Variants in KIR2DL1 observed in about 807,000 individuals in gnomAD.
KIR2DL1 encodes killer cell immunoglobulin like receptor, two Ig domains and long cytoplasmic tail 1, also known as killer cell immunoglobulin-like receptor 2DL1.
In KIR2DL1, 38 loss-of-function variants were observed where a neutral mutation model predicts 33.9. That is an observed-to-expected ratio of 1.12 (90% CI 0.86 to 1.47). KIR2DL1 has a LOEUF of 1.47. Among genes scored for constraint, KIR2DL1 ranks in the 40% most tolerant of loss-of-function variants. The pLI is 0.00. For missense variants in KIR2DL1, 531 were observed against 433.9 expected (o/e 1.22, Z -1.99); for synonymous variants, 179 against 165.9 (o/e 1.08, Z -0.61).
chr19:54,774,784 T>C (rs2076134293), intron 3 of KIR2DL1, among the ~76,000 whole-genome samples: 1 of 147,968 alleles, frequency 6.8e-6, no homozygotes. Flanking sequence ...GGTAGAGAAT[T>C]TGTAGATAGG....
intron 7 of KIR2DL1, 24 bp from the exon 8 acceptor site, chr19:54,783,613 C>T (rs781049069): frequency 1.2e-6 from 2 of 1,613,884 alleles, no homozygotes; most frequent in Non-Finnish European, 8.5e-7. Context: ...CACCCTCCCT[C>T]ACTCAGCATT....
chr19:54,782,324 C>T (rs1160490660), intron 5 of KIR2DL1, among the ~76,000 whole-genome samples: 14 of 151,968 alleles, frequency 9.2e-5, no homozygotes, highest in Non-Finnish European at 1.8e-4. Context: ...ACACTTGAGC[C>T]TCGGTAACTT....
Position 54,783,634 on chromosome 19 carries a change from C to A in KIR2DL1, c.871-3C>A. On this transcript the variant is annotated splice_region_variant and splice_polypyrimidine_tract_variant and intron_variant, in intron 7 of 7. Coordinates refer to ENST00000336077, the MANE Select transcript of KIR2DL1 (RefSeq NM_014218.3). ...CCCTCACTCAGCATTTCCCTCTCTC[C>A]AGGACTCTGATGAACAAGACCCTCA... 1 of 1,614,020 alleles carries A rather than the reference C, an allele frequency of 6.2e-7. No homozygotes were observed. The highest frequency in any genetic ancestry group is 8.5e-7 in the Non-Finnish European group (1 of 1,179,960).
In KIR2DL1 at chr19:54,783,542, G is replaced by A. The variant is rs1350995072; in HGVS notation, c.870+4G>A. 5.1e-5 allele frequency: 83 copies of A among 1,613,738 alleles called. No individual in the cohort carries two copies. The highest frequency in any genetic ancestry group is 7.0e-5 in the Non-Finnish European group (83 of 1,179,912). ...AAACAGAACAGCGAATAGCGAGGTAGGTACTCCTCGGCCCGGGCTCGTGGC... is the reference window on the plus strand; with the variant it reads ...AAACAGAACAGCGAATAGCGAGGTAAGTACTCCTCGGCCCGGGCTCGTGGC... On this transcript the variant is annotated splice_donor_region_variant and intron_variant, in intron 7 of 7. Transcript: ENST00000336077.
Position 54,783,006 on chromosome 19 carries a change from G to T in KIR2DL1, c.800G>T (p.Trp267Leu). 1 of 1,613,476 alleles carries T rather than the reference G, an allele frequency of 6.2e-7. No homozygotes were observed. Among genetic ancestry groups the T allele is most frequent in the Non-Finnish European group, 8.5e-7 (1 of 1,179,802 alleles). The change falls in exon 6 of 8, where the codon TGG (tryptophan) becomes TTG (leucine). Residue 267 changes from tryptophan to leucine, a missense_variant. By Grantham distance (61) the Trp-to-Leu change is moderately conservative. Coordinates refer to ENST00000336077, the MANE Select transcript of KIR2DL1 (RefSeq NM_014218.3). ...CTCCTCTTCTTTCTCCTTCATCGCT[G>T]GTGCTCCAACAAAAAAAGTAAGTCT... The part of the protein sequence containing the change: ...FILLFFLLHR[W>L]CSNKKNAAVM...
chr19:54,770,202 T>C (rs1452226674), intron 1 of KIR2DL1, among the ~76,000 whole-genome samples: 1 of 64,118 alleles, frequency 1.6e-5, no homozygotes, highest in Non-Finnish European at 3.2e-5. Context: ...TGGAGTGGAG[T>C]CATGGGCCTG....
At position 54,773,681 on chromosome 19, in the gene KIR2DL1, A is replaced by C. The variant is rs559398191; in HGVS notation, c.370+49A>C. 1.6e-5 allele frequency: 24 copies of C among 1,515,700 alleles called. 2 individuals are homozygous for C. The highest frequency in any genetic ancestry group is 2.1e-5 in the Non-Finnish European group (23 of 1,106,224). The allele number at this position is 1,515,700 out of a possible 1,614,324, so 93.9% of individuals were successfully genotyped here. A position where few individuals can be genotyped will look rare whatever the true frequency, so the allele number is the denominator to read the frequency against. The stretch of plus-strand genomic sequence containing the variant: ...TCATTGTCATTGGGATGCAGAGTGA[A>C]TGATCCAGGAATTGGAGACCCAGGT... On this transcript the variant is annotated intron_variant, in intron 3 of 7. Coordinates refer to ENST00000336077, the MANE Select transcript of KIR2DL1 (RefSeq NM_014218.3).
Position 54,777,290 on chromosome 19 carries a change from T to C in KIR2DL1, c.665-1322T>C, listed in dbSNP as rs149504982. Among the ~76,000 whole-genome samples, 508 of 146,846 alleles carry C rather than the reference T, an allele frequency of 3.5e-3. 10 individuals are homozygous for C. Among genetic ancestry groups the C allele is most frequent in the Non-Finnish European group, 3.9e-3 (257 of 66,252 alleles). Reference sequence around the variant, plus strand: ...ATTTTTAGTAGAGACAGCGTTTCTCTATGTGGGTCAGACTGGTCTCAAACT... The same window carrying C: ...ATTTTTAGTAGAGACAGCGTTTCTCCATGTGGGTCAGACTGGTCTCAAACT... On this transcript the variant is annotated intron_variant, in intron 4 of 7. Transcript: ENST00000336077.
chr19:54,773,670 A>G (rs1367228929), intron 3 of KIR2DL1, 38 bp downstream of exon 3: 1 of 1,500,276 alleles, frequency 6.7e-7, no homozygotes, highest in East Asian at 2.3e-5. Context: ...TGTCATTGGG[A>G]TGCAGAGTGA....
intron 2 of KIR2DL1, among the ~76,000 whole-genome samples, chr19:54,772,050 T>TTAG (rs1569158845): frequency 6.8e-6 from 1 of 147,024 alleles, no homozygotes; most frequent in Non-Finnish European, 1.5e-5. Context: ...GTGGGAAGAA[T>TTAG]AATTGTCCCC....
chr19:54,776,237 T>TTATATATATATATATATATACATTTTTA (rs58651549), intron 4 of KIR2DL1, among the ~76,000 whole-genome samples: 1 of 141,236 alleles, frequency 7.1e-6, no homozygotes, highest in Non-Finnish European at 1.6e-5. Context: ...AAATACATTT[T>TTATATATATATATATATATACATTTTTA]TATATATATA....
rs1293745871 is a variant in KIR2DL1, at chr19:54,770,959, G to A, written c.70+75G>A. 1.3e-5 allele frequency: 20 copies of A among 1,543,400 alleles called. 4 individuals are homozygous for A. Among genetic ancestry groups the A allele is most frequent in the Non-Finnish European group, 1.2e-5 (14 of 1,121,486 alleles). On this transcript the variant is annotated intron_variant, in intron 2 of 7. Coordinates refer to ENST00000336077, the MANE Select transcript of KIR2DL1 (RefSeq NM_014218.3). ...TTTCCTGAAATGGGAGGGAAGTCCT[G>A]TCAGGGAGTCTCTCATAAACTAGGA...
At position 54,783,016 on chromosome 19, in the gene KIR2DL1, C is replaced by G; in HGVS notation, c.810C>G (p.Asn270Lys). 6.2e-7 allele frequency: 1 copy of G among 1,612,932 alleles called. No homozygotes were observed. Among genetic ancestry groups the G allele is most frequent in the East Asian group, 2.2e-5 (1 of 44,844 alleles). Reference sequence around the variant, plus strand: ...TTCTCCTTCATCGCTGGTGCTCCAACAAAAAAAGTAAGTCTCACGAAGCAG... The same window carrying G: ...TTCTCCTTCATCGCTGGTGCTCCAAGAAAAAAAGTAAGTCTCACGAAGCAG... ...LFFLLHRWCS[N>K]KKNAAVMDQE... Residue 270 changes from asparagine to lysine, a missense_variant, in exon 6 of 8, where the codon AAC (asparagine) becomes AAG (lysine). Transcript: ENST00000336077.
chr19:54,771,904 T>A (rs1200968350), intron 2 of KIR2DL1, among the ~76,000 whole-genome samples: 1 of 147,676 alleles, frequency 6.8e-6, no homozygotes, highest in Admixed American at 6.8e-5. Flanking sequence ...GTCAGAGGGC[T>A]CCTGTCTGGG....
rs2077390409 is a variant in KIR2DL1, at chr19:54,784,003, T to G, written c.*190T>G. 4 of 930,404 alleles carry G rather than the reference T, an allele frequency of 4.3e-6. No individual in the cohort carries two copies. Among genetic ancestry groups the G allele is most frequent in the Admixed American group, 2.4e-5 (1 of 41,566 alleles). The allele number at this position is 930,404 out of a possible 1,614,324, so 57.6% of individuals were successfully genotyped here. A position where few individuals can be genotyped will look rare whatever the true frequency, so the allele number is the denominator to read the frequency against. The stretch of plus-strand genomic sequence containing the variant: ...GCTTACAAATGTCTAAGGTCCCCAC[T>G]GCCTGCTGGAGAAAAAACACACTCC... On this transcript the variant is annotated 3_prime_UTR_variant, in exon 8 of 8. Transcript: ENST00000336077.
Position 54,782,749 on chromosome 19 carries a change from G to C in KIR2DL1, c.716-173G>C, listed in dbSNP as rs1390741320. 1.5e-4 allele frequency among the ~76,000 whole-genome samples: 23 copies of C among 151,906 alleles called. No individual in the cohort carries two copies. The East Asian group carries it at 4.4e-3, about 29-fold the overall frequency. On this transcript the variant is annotated intron_variant, in intron 5 of 7. Transcript: ENST00000336077. Reference sequence around the variant, plus strand: ...AGTCGTATCCTCAGCACGTTCTATGGTTACTATGAGAGCTATAACAGAAAA... The same window carrying C: ...AGTCGTATCCTCAGCACGTTCTATGCTTACTATGAGAGCTATAACAGAAAA...
chr19:54,778,787 TC>T, intron 5 of KIR2DL1, 125 bp downstream of exon 5: 2 of 1,176,944 alleles, frequency 1.7e-6, no homozygotes, highest in Non-Finnish European at 2.5e-6. Flanking sequence ...ATCTCCGAAC[TC>T]CAGATACTCC....
chr19:54,771,532 C>A (rs1035585345), intron 2 of KIR2DL1, among the ~76,000 whole-genome samples: 1 of 140,604 alleles, frequency 7.1e-6, no homozygotes, highest in Non-Finnish European at 1.6e-5. Context: ...ACTTGGAAAG[C>A]GAGGAGAATC....
In KIR2DL1 at chr19:54,783,900, C is replaced by T. The variant is rs1468554718; in HGVS notation, c.*87C>T. 4 of 1,574,074 alleles carry T rather than the reference C, an allele frequency of 2.5e-6. No individual in the cohort carries two copies. The highest frequency in any genetic ancestry group is 3.5e-6 in the Non-Finnish European group (4 of 1,144,168). ...GTTGCCAGCTCCCATGTACCAGCAG[C>T]TGGAATCTGAAGGCGTGAGTCTGCA... On this transcript the variant is annotated 3_prime_UTR_variant, in exon 8 of 8. Coordinates refer to ENST00000336077, the MANE Select transcript of KIR2DL1 (RefSeq NM_014218.3).
Sources: allele counts gnomAD v4.1 joint callset (sites outside exome capture counted in the v4.1 genomes callset), GRCh38; gene constraint gnomAD v4.1.1; transcripts MANE v1.5; gene names NCBI Gene and HGNC (gene_info 2026-07-23, HGNC 2026-07-21).